The following LGALSL variants were observed in gnomAD, a reference collection of about 807,000 sequenced individuals.
LGALSL encodes the protein galectin like, also known as galectin-related protein.
A neutral mutation model predicts 19.5 loss-of-function variants in LGALSL; 13 were observed. The observed-to-expected ratio is 0.67, with a 90% CI of 0.43 to 1.06. The LOEUF is 1.06. LGALSL is among the 50% of genes least tolerant of loss of function. The pLI is 0.00. For missense variants in LGALSL, 189 were observed against 219.3 expected (o/e 0.86, Z 0.87); for synonymous variants, 86 against 78.3 (o/e 1.10, Z -0.52).
chr2:64,459,438 T>TA lies in LGALSL; in HGVS notation c.*1013dup, dbSNP rs1686783985. The TA allele has an allele frequency of 6.6e-6, 1 of 152,246 alleles. No homozygotes were observed. Among genetic ancestry groups the TA allele is most frequent in the Admixed American group, 6.5e-5 (1 of 15,286 alleles). The allele number at this position is 152,246 out of a possible 1,614,324, so 9.4% of individuals were successfully genotyped here. A position where few individuals can be genotyped will look rare whatever the true frequency, so the allele number is the denominator to read the frequency against. On this transcript the variant is annotated 3_prime_UTR_variant, in exon 5 of 5. Coordinates refer to ENST00000238875, the MANE Select transcript of LGALSL (RefSeq NM_014181.3). ...ATGAAAATGACTGTGGAATGCAGTG[T>TA]AAAGCAGAAGCAAACGGCCCTGAAT...
chr2:64,455,706 C>A, intron 3 of LGALSL, 29 bp downstream of exon 3: 1 of 1,537,284 alleles, frequency 6.5e-7, no homozygotes, highest in Non-Finnish European at 9.0e-7. Flanking sequence ...CAGGACAGAA[C>A]TATCAGGCTG....
At chr2:64,456,204 G>A (rs935730917) in intron 3 of LGALSL, 84 bp from the exon 4 acceptor site, 4 of 1,228,838 alleles carry the variant, frequency 3.3e-6, no homozygotes, top group Non-Finnish European at 4.7e-6. Context: ...AAACCCAGAG[G>A]AGGAAGAAGA....
In LGALSL at chr2:64,454,891, G is replaced by A. The variant is rs545922019; in HGVS notation, c.36+310G>A. ...TGTGCGCGTGGGTGAGTGTGTCCGG[G>A]GCGCGCGCCCCGCCACCGCCCCCGA... is the stretch of plus-strand genomic sequence containing the variant. On this transcript the variant is annotated intron_variant, in intron 1 of 4. Transcript: ENST00000238875. This position sits in a 1 kb window ranked among gnomAD's most constrained non-coding sequence, Gnocchi z 5.1. Among the ~76,000 whole-genome samples, 6 of 151,712 alleles carry A rather than the reference G, an allele frequency of 4.0e-5. No homozygotes were observed. The South Asian group carries it at 1.3e-3, about 32-fold the overall frequency.
Position 64,454,247 on chromosome 2 carries a change from G to GGGCAGCGGCAGC in LGALSL, c.-286_-275dup, listed in dbSNP as rs371589549. The GGGCAGCGGCAGC allele has an allele frequency of 4.3e-5, 17 of 395,760 alleles. No homozygotes were observed. In the Admixed American group the frequency reaches 4.9e-4, roughly 11 times the overall value. 24.5% of individuals were successfully genotyped at this position (395,760 alleles called of 1,614,324 possible). On this transcript the variant is annotated 5_prime_UTR_variant, in exon 1 of 5. Coordinates refer to ENST00000238875, the MANE Select transcript of LGALSL (RefSeq NM_014181.3). This position sits in a 1 kb window ranked among gnomAD's most constrained non-coding sequence, Gnocchi z 5.1. The stretch of plus-strand genomic sequence containing the variant: ...ACGGCCCTCGCCACTTTTCTTGGTC[G>GGGCAGCGGCAGC]GGCAGCGGCAGCGGCAGCGGCAGCA...
Position 64,458,306 on chromosome 2 carries a change from C to A in LGALSL, c.397C>A (p.Pro133Thr). The A allele has an allele frequency of 6.2e-7, 1 of 1,613,450 alleles. No homozygotes were observed. Among genetic ancestry groups the A allele is most frequent in the Non-Finnish European group, 8.5e-7 (1 of 1,179,696 alleles). The change falls in exon 5 of 5, where the codon CCA becomes ACA. Residue 133 changes from proline (P) to threonine (T), a missense_variant. Coordinates refer to ENST00000238875, the MANE Select transcript of LGALSL (RefSeq NM_014181.3). ...CCAGGTGGAAATTCTTTGTGAGCACCCACGTTTCCGAGTGTTTGTGGATGG... is the reference window on the plus strand; with the variant it reads ...CCAGGTGGAAATTCTTTGTGAGCACACACGTTTCCGAGTGTTTGTGGATGG... ...PFRVEILCEH[P>T]RFRVFVDGHQ...
Position 64,454,598 on chromosome 2 carries a change from G to T in LGALSL, c.36+17G>T. The T allele has an allele frequency of 7.1e-7, 1 of 1,401,070 alleles. No homozygotes were observed. The highest frequency in any genetic ancestry group is 9.3e-7 in the Non-Finnish European group (1 of 1,072,192). The allele number at this position is 1,401,070 out of a possible 1,614,324, so 86.8% of individuals were successfully genotyped here. The stretch of plus-strand genomic sequence containing the variant: ...GCCGTGGTGGTGAGTGTGGCAGGGC[G>T]CGCGCGAGGCGCCCCTCCCCGCCGT... On this transcript the variant is annotated intron_variant, in intron 1 of 4. Transcript: ENST00000238875. This position sits in a 1 kb window ranked among gnomAD's most constrained non-coding sequence, Gnocchi z 5.1.
At position 64,455,658 on chromosome 2, in the gene LGALSL, G is replaced by A. The variant is rs1351483704; in HGVS notation, c.178G>A (p.Val60Ile). Residue 60 changes from valine (V) to isoleucine (I), a missense_variant, in exon 3 of 5, where the codon GTA becomes ATA. Val to Ile is a conservative substitution (Grantham distance 29, BLOSUM62 3). Transcript: ENST00000238875. Reference protein sequence around the residue: ...PGKKVLVMGIVDLNPESFAIS... With the variant: ...PGKKVLVMGIIDLNPESFAIS... Reference sequence around the variant, plus strand: ...CAAGAAGGTGTTAGTGATGGGCATCGTAGACCTCAACCCAGAGAGGTAAGG... The same window carrying A: ...CAAGAAGGTGTTAGTGATGGGCATCATAGACCTCAACCCAGAGAGGTAAGG... 6 of 1,613,268 alleles carry A rather than the reference G, an allele frequency of 3.7e-6. No individual in the cohort carries two copies. Among genetic ancestry groups the A allele is most frequent in the Non-Finnish European group, 5.1e-6 (6 of 1,179,298 alleles).
chr2:64,456,459 A>T lies in LGALSL; in HGVS notation c.369A>T (p.Pro123=). 6.4e-7 allele frequency: 1 copy of T among 1,573,108 alleles called. No individual in the cohort carries two copies. Among genetic ancestry groups the T allele is most frequent in the Non-Finnish European group, 8.6e-7 (1 of 1,158,946 alleles). ...ACTTTCCATTCATTCCAGACCAGCC[A>T]TTCAGGGTGAGTACCTCGAGTGCCT... ...IPYFPFIPDQ[P]FRVEILCEHP... is the part of the protein sequence containing the mutation. The change falls in exon 4 of 5, where the codon CCA becomes CCT. Residue 123 remains proline (P), a synonymous_variant. Coordinates refer to ENST00000238875, the MANE Select transcript of LGALSL (RefSeq NM_014181.3).
Position 64,460,526 on chromosome 2 carries a change from A to G in LGALSL, c.*2098A>G, listed in dbSNP as rs1686808947. 6.6e-6 allele frequency: 1 copy of G among 152,222 alleles called. No homozygotes were observed. The highest frequency in any genetic ancestry group is 2.4e-5 in the African/African-American group (1 of 41,458). The allele number at this position is 152,222 out of a possible 1,614,324, so 9.4% of individuals were successfully genotyped here. A position where few individuals can be genotyped will look rare whatever the true frequency, so the allele number is the denominator to read the frequency against. ...AGGAGCAGGGCGTGTACTGATTGGA[A>G]TTGACACGCTTATTCTGTCTACCTA... is the stretch of plus-strand genomic sequence containing the variant. On this transcript the variant is annotated 3_prime_UTR_variant, in exon 5 of 5. Transcript: ENST00000238875.
In LGALSL at chr2:64,460,629, G is replaced by A. The variant is rs908833245; in HGVS notation, c.*2201G>A. 1 of 152,212 alleles carries A rather than the reference G, an allele frequency of 6.6e-6. No homozygotes were observed. Among genetic ancestry groups the A allele is most frequent in the Non-Finnish European group, 1.5e-5 (1 of 68,046 alleles). The allele number at this position is 152,212 out of a possible 1,614,324, so 9.4% of individuals were successfully genotyped here. A position where few individuals can be genotyped will look rare whatever the true frequency, so the allele number is the denominator to read the frequency against. ...ATGTTAACTGTTTGTTTCTCTGTGA[G>A]GTTAGTGGGAACCGCTTGGATAAGC... On this transcript the variant is annotated 3_prime_UTR_variant, in exon 5 of 5. Transcript: ENST00000238875.
rs375460551 is a variant in LGALSL at position 64,460,928 on chromosome 2, G to A, written c.*2500G>A. The A allele has an allele frequency of 6.6e-6, 1 of 152,146 alleles. No individual in the cohort carries two copies. Among genetic ancestry groups the A allele is most frequent in the Non-Finnish European group, 1.5e-5 (1 of 68,030 alleles). The allele number at this position is 152,146 out of a possible 1,614,324, so 9.4% of individuals were successfully genotyped here. A position where few individuals can be genotyped will look rare whatever the true frequency, so the allele number is the denominator to read the frequency against. ...CAGGCTCTGGGGGAATAGAAAGCAG[G>A]CTTTAGACAATCTGTCCATTTCTAC... On this transcript the variant is annotated 3_prime_UTR_variant, in exon 5 of 5. Coordinates refer to ENST00000238875, the MANE Select transcript of LGALSL (RefSeq NM_014181.3).
At chr2:64,455,227 T>C in intron 1 of LGALSL, 117 bp from the exon 2 acceptor site, 1 of 757,002 alleles carries the variant, frequency 1.3e-6, no homozygotes, top group Non-Finnish European at 2.4e-6. Context: ...AGGCATCATC[T>C]GCAGACACTG....
intron 4 of LGALSL, among the ~76,000 whole-genome samples, chr2:64,457,629 G>A (rs1334065830): frequency 2.0e-5 from 3 of 152,206 alleles, no homozygotes; most frequent in Non-Finnish European, 4.4e-5. Context: ...TCATGAAGAA[G>A]TAATTCTTTC....
In LGALSL at chr2:64,456,372, G is replaced by T; in HGVS notation, c.282G>T (p.Arg94=). ...AIELKAVFTD[R]QLLRNSCISG... is the part of the protein sequence containing the mutation. ...AACTCAAAGCTGTGTTCACAGATCG[G>T]CAGCTACTCAGAAATTCTTGTATAT... The change falls in exon 4 of 5, where the codon CGG becomes CGT. Residue 94 remains arginine, a synonymous_variant. Transcript: ENST00000238875. The T allele has an allele frequency of 2.5e-6, 4 of 1,612,100 alleles. No homozygotes were observed. The highest frequency in any genetic ancestry group is 1.1e-5 in the South Asian group (1 of 90,680).
At position 64,454,966 on chromosome 2, in the gene LGALSL, G is replaced by A. The variant is rs142259570; in HGVS notation, c.37-378G>A. On this transcript the variant is annotated intron_variant, in intron 1 of 4. Transcript: ENST00000238875. The surrounding 1 kb of genome is among the most constrained non-coding windows in gnomAD (Gnocchi z 5.1). ...ATGGGTCGGCGCCCGGGGCTCCCGA[G>A]AGAAGTTGAGCACGGCCGCTGCACT... Among the ~76,000 whole-genome samples, 263 of 152,350 alleles carry A rather than the reference G, an allele frequency of 1.7e-3. 2 individuals carry two copies. The highest frequency in any genetic ancestry group is 6.1e-3 in the African/African-American group (255 of 41,586).
chr2:64,459,759 C>G lies in LGALSL; in HGVS notation c.*1331C>G, dbSNP rs140425768. 2 of 152,194 alleles carry G rather than the reference C, an allele frequency of 1.3e-5. No homozygotes were observed. The highest frequency in any genetic ancestry group is 6.5e-5 in the Admixed American group (1 of 15,272). 9.4% of individuals were successfully genotyped at this position (152,194 alleles called of 1,614,324 possible). A position where few individuals can be genotyped will look rare whatever the true frequency, so the allele number is the denominator to read the frequency against. ...GTTACCCTGCACTTACGGAACTGAT[C>G]AAACAGGTGACTCCAACAGGAGGTT... On this transcript the variant is annotated 3_prime_UTR_variant, in exon 5 of 5. Transcript: ENST00000238875.
chr2:64,455,678 G>C lies in LGALSL; in HGVS notation c.197+1G>C, dbSNP rs754395701. 1 of 1,608,868 alleles carries C rather than the reference G, an allele frequency of 6.2e-7. No individual in the cohort carries two copies. Among genetic ancestry groups the C allele is most frequent in the Admixed American group, 1.7e-5 (1 of 60,020 alleles). The stretch of plus-strand genomic sequence containing the variant: ...GCATCGTAGACCTCAACCCAGAGAG[G>C]TAAGGCAGAGTCTTTGTCAGGACAG... On this transcript the variant is annotated splice_donor_variant, in intron 3 of 4. Transcript: ENST00000238875. LOFTEE classifies it high-confidence loss of function.
Position 64,455,621 on chromosome 2 carries a change from C to G in LGALSL, c.141C>G (p.Gly47=). ...CATTTTGTGGGCACATTAAAGGTGG[C>G]ATGAGACCAGGCAAGAAGGTGTTAG... ...IVPFCGHIKG[G]MRPGKKVLVM... is the part of the protein sequence containing the mutation. The change falls in exon 3 of 5, where the codon GGC becomes GGG. Residue 47 remains glycine, a synonymous_variant. Coordinates refer to ENST00000238875, the MANE Select transcript of LGALSL (RefSeq NM_014181.3). The G allele has an allele frequency of 6.2e-7, 1 of 1,614,016 alleles. No homozygotes were observed. Among genetic ancestry groups the G allele is most frequent in the Non-Finnish European group, 8.5e-7 (1 of 1,179,868 alleles).
rs1164783130 is a variant in LGALSL at position 64,454,789 on chromosome 2, C to CTGGGGAGGGAGTT, written c.36+217_36+229dup. The stretch of plus-strand genomic sequence containing the variant: ...GGCTCCCGGGCTGCGGGGCTCTGGG[C>CTGGGGAGGGAGTT]TGGGGAGGGAGTTTGGGGAGGATGG... On this transcript the variant is annotated intron_variant, in intron 1 of 4. Transcript: ENST00000238875. The surrounding 1 kb of genome is among the most constrained non-coding windows in gnomAD (Gnocchi z 5.1). Among the ~76,000 whole-genome samples the CTGGGGAGGGAGTT allele has an allele frequency of 6.6e-6, 1 of 151,688 alleles. No homozygotes were observed.
Sources: gnomAD v4.1 joint callset for allele counts (sites outside exome capture counted in the v4.1 genomes callset) on GRCh38, gnomAD v4.1.1 for gene constraint, Gnocchi (gnomAD v3.1) non-coding constraint, MANE v1.5 for transcripts, NCBI Gene and HGNC (gene_info 2026-07-23, HGNC 2026-07-21) for gene names.